Variants in ACER1 observed in about 807,000 individuals in gnomAD.
The protein encoded by ACER1 is alkaline ceramidase 1, also known as CTB-180A7.3.
A neutral mutation model predicts 24.9 loss-of-function variants in ACER1; 28 were observed. The ratio of observed to expected loss-of-function variants is 1.13; its 90% CI spans 0.83 to 1.54. The LOEUF (loss-of-function observed/expected upper bound fraction) is 1.54, where lower values mean the gene tolerates loss of function less well. Among genes scored for constraint, ACER1 ranks in the 40% most tolerant of loss-of-function variants. The pLI is 0.00. For synonymous variants in ACER1, 132 were observed against 131.4 expected (o/e 1.00, Z -0.03); for missense variants, 352 against 349.3 (o/e 1.01, Z -0.06).
chr19:6,320,916 G>GGTGCGA (rs1361383732), intron 1 of ACER1, among the ~76,000 whole-genome samples: 1 of 151,694 alleles, frequency 6.6e-6, no homozygotes, highest in African/African-American at 2.4e-5. Context: ...GACATCTCTG[G>GGTGCGA]GTGCTGTATT....
At chr19:6,354,697 A>G in the ACER1 span, among the ~76,000 whole-genome samples, 5 of 152,122 alleles carry the variant, frequency 3.3e-5, no homozygotes, top group African/African-American at 1.2e-4. Context: ...AGGCAGGAGG[A>G]TTGCTCAAGC....
At chr19:6,307,030 G>A in intron 5 of ACER1, 123 bp downstream of exon 5, 1 of 1,506,120 alleles carries the variant, frequency 6.6e-7, no homozygotes, top group South Asian at 1.3e-5. Flanking sequence ...CTACCGCCAG[G>A]TCCCAGTGTC....
upstream of ACER1, among the ~76,000 whole-genome samples, chr19:6,337,098 C>T (rs897140236): frequency 4.6e-5 from 7 of 151,716 alleles, no homozygotes; most frequent in African/African-American, 1.7e-4. Flanking sequence ...ATAGCTTGAA[C>T]CCAGAAAACG....
intron 1 of ACER1, among the ~76,000 whole-genome samples, chr19:6,329,833 C>T (rs2091678950): frequency 6.6e-6 from 1 of 151,722 alleles, no homozygotes; most frequent in African/African-American, 2.4e-5. Flanking sequence ...AGCCTACCAG[C>T]TAGTTTTTAT....
At chr19:6,337,639 CTTTTCTTTTCTTTCTTTCTTTCTT>C (rs1568315492), upstream of ACER1, among the ~76,000 whole-genome samples, 5 of 58,076 alleles carry the variant, frequency 8.6e-5, no homozygotes, top group African/African-American at 3.3e-4. Flanking sequence ...TTTTCTTTTT[CTTTTCTTTTCTTTCTTTCTTTCTT>C]TTTTTTTTTT....
At chr19:6,348,192 C>A in the ACER1 span, among the ~76,000 whole-genome samples, 1 of 151,544 alleles carries the variant, frequency 6.6e-6, no homozygotes, top group African/African-American at 2.4e-5. Context: ...AGGCTGGGTG[C>A]AATGGCTCAC....
chr19:6,350,460 A>G, the ACER1 span, among the ~76,000 whole-genome samples: 4 of 151,972 alleles, frequency 2.6e-5, no homozygotes, highest in African/African-American at 4.8e-5. Flanking sequence ...AATCCCAGGT[A>G]CTCGGGAGGC....
chr19:6,348,497 CTG>C, the ACER1 span, among the ~76,000 whole-genome samples: 1 of 147,066 alleles, frequency 6.8e-6, no homozygotes, highest in African/African-American at 2.5e-5. Flanking sequence ...AGATTAAAGA[CTG>C]AGCCCTGGGG....
chr19:6,318,712 G>A (rs1167072608), intron 1 of ACER1, among the ~76,000 whole-genome samples: 1 of 150,870 alleles, frequency 6.6e-6, no homozygotes, highest in African/African-American at 2.4e-5. Flanking sequence ...CGTGAACCCG[G>A]GAGGCGGAGG....
chr19:6,325,512 G>C (rs552233315), intron 1 of ACER1, among the ~76,000 whole-genome samples: 5 of 152,136 alleles, frequency 3.3e-5, no homozygotes, highest in African/African-American at 1.2e-4. Context: ...AAATTAGCCA[G>C]CCATGGTGGC....
upstream of ACER1, among the ~76,000 whole-genome samples, chr19:6,335,252 C>G (rs1353830344): frequency 8.1e-6 from 1 of 122,792 alleles, no homozygotes; most frequent in Non-Finnish European, 1.6e-5. Context: ...TGAGATGGAG[C>G]CTCACTCTGT....
At chr19:6,356,231 G>T in the ACER1 span, among the ~76,000 whole-genome samples, 1 of 149,118 alleles carries the variant, frequency 6.7e-6, no homozygotes, top group South Asian at 2.1e-4. Context: ...ATGGATTAAG[G>T]GCGGTGCAAG....
intron 4 of ACER1, among the ~76,000 whole-genome samples, chr19:6,307,946 G>T: frequency 6.6e-6 from 1 of 151,514 alleles, no homozygotes; most frequent in Non-Finnish European, 1.5e-5. Context: ...AAAAAAATTA[G>T]CCGGCCATGG....
chr19:6,312,031 A>G, intron 3 of ACER1, 118 bp downstream of exon 3: 1 of 1,362,338 alleles, frequency 7.3e-7, no homozygotes, highest in Admixed American at 2.7e-5. Context: ...TCAGGGGAGG[A>G]ATTCCAAGGG....
chr19:6,313,182 G>A (rs2091589898), intron 1 of ACER1, among the ~76,000 whole-genome samples: 1 of 151,750 alleles, frequency 6.6e-6, no homozygotes, highest in Non-Finnish European at 1.5e-5. Context: ...GCAGTGGTGG[G>A]ATCATGGCTC....
intron 3 of ACER1, 74 bp from the exon 4 acceptor site, chr19:6,309,908 C>G: frequency 6.3e-7 from 1 of 1,579,550 alleles, no homozygotes; most frequent in Admixed American, 1.8e-5. Context: ...TTGGAGATCC[C>G]GTGGCCCAGG....
chr19:6,331,685 T>C (rs1262095725), intron 1 of ACER1, among the ~76,000 whole-genome samples: 2 of 151,580 alleles, frequency 1.3e-5, no homozygotes, highest in Admixed American at 1.3e-4. Context: ...TCCCAACTAC[T>C]CGGGAAGCTG....
At chr19:6,343,244 C>T in the ACER1 span, among the ~76,000 whole-genome samples, 99 of 152,320 alleles carry the variant, frequency 6.5e-4, no homozygotes, top group East Asian at 0.018. Flanking sequence ...CCACAAATAT[C>T]AGTGTCCTAA....
chr19:6,355,087 G>A, the ACER1 span, among the ~76,000 whole-genome samples: 1 of 152,146 alleles, frequency 6.6e-6, no homozygotes, highest in Non-Finnish European at 1.5e-5. Flanking sequence ...GGCCTCCAGA[G>A]GTGCCGGGAT....
Sources: allele counts gnomAD v4.1 joint callset (sites outside exome capture counted in the v4.1 genomes callset), GRCh38; gene constraint gnomAD v4.1.1; transcripts MANE v1.5; gene names NCBI Gene and HGNC (gene_info 2026-07-23, HGNC 2026-07-21).